CLPB: variants seen among roughly 807,000 people sequenced by gnomAD.
The protein encoded by CLPB is mitochondrial disaggregase.
CLPB carries 40 observed loss-of-function variants against 78.4 expected under a neutral mutation model. The ratio of observed to expected loss-of-function variants is 0.51; its 90% CI spans 0.40 to 0.66. The LOEUF (loss-of-function observed/expected upper bound fraction) is 0.66, where lower values mean the gene tolerates loss of function less well. Ranked by LOEUF, CLPB falls within the 30% of genes least tolerant of loss-of-function variation. CLPB has a pLI of 0.00. For missense variants in CLPB, 780 were observed against 886.9 expected (o/e 0.88, Z 1.53); for synonymous variants, 333 against 348.0 (o/e 0.96, Z 0.48).
chr11:72,384,785 T>C (rs1435666696), intron 3 of CLPB, among the ~76,000 whole-genome samples: 1 of 152,052 alleles, frequency 6.6e-6, no homozygotes, highest in African/African-American at 2.4e-5. Flanking sequence ...GTCCAAACTG[T>C]AAAAAGAGAC....
chr11:72,308,472 G>T, intron 8 of CLPB, 55 bp downstream of exon 8: 1 of 1,521,340 alleles, frequency 6.6e-7, no homozygotes, highest in Non-Finnish European at 9.1e-7. Context: ...TGTCAGACTT[G>T]GGCCGGGCAC....
At chr11:72,425,751 C>A (rs756355737) in intron 2 of CLPB, among the ~76,000 whole-genome samples, 1 of 152,208 alleles carries the variant, frequency 6.6e-6, no homozygotes, top group South Asian at 2.1e-4. Flanking sequence ...GCATACCCCC[C>A]AGGCTGCTCC....
At chr11:72,370,646 T>C (rs1341238047) in intron 4 of CLPB, among the ~76,000 whole-genome samples, 4 of 152,214 alleles carry the variant, frequency 2.6e-5, no homozygotes, top group Admixed American at 1.3e-4. Context: ...CAGGCTGATA[T>C]GGTTGCTGGG....
At chr11:72,295,861 C>G (rs1446548939) in intron 11 of CLPB, among the ~76,000 whole-genome samples, 1 of 152,252 alleles carries the variant, frequency 6.6e-6, no homozygotes, top group Non-Finnish European at 1.5e-5. Flanking sequence ...ACTGCTCTCC[C>G]TACTGAGTGC....
chr11:72,381,337 C>G (rs1188395429), intron 3 of CLPB, among the ~76,000 whole-genome samples: 1 of 152,174 alleles, frequency 6.6e-6, no homozygotes, highest in Admixed American at 6.5e-5. Context: ...GGCTGATACC[C>G]TCAGACTAAG....
intron 5 of CLPB, chr11:72,354,421 T>G (rs569410235): frequency 2.5e-6 from 1 of 397,972 alleles, no homozygotes; most frequent in Non-Finnish European, 4.4e-6. Context: ...TGATTAGAGA[T>G]ATGTTTTAGG....
chr11:72,303,815 T>A (rs1186494543), intron 9 of CLPB: 2 of 152,226 alleles, frequency 1.3e-5, no homozygotes, highest in African/African-American at 4.8e-5. Context: ...CATGTACAAG[T>A]CTCTGAGGTA....
At chr11:72,308,651 A>T (rs1474042917) in intron 7 of CLPB, 47 bp from the exon 8 acceptor site, 1 of 1,502,916 alleles carries the variant, frequency 6.7e-7, no homozygotes, top group African/African-American at 1.4e-5. Flanking sequence ...GAGGCAGATA[A>T]ATCAATGACA....
chr11:72,378,773 A>G (rs1854802767), intron 4 of CLPB, among the ~76,000 whole-genome samples: 1 of 152,170 alleles, frequency 6.6e-6, no homozygotes, highest in African/African-American at 2.4e-5. Context: ...CATAAACACA[A>G]TTCCTCCGGC....
In CLPB at chr11:72,373,960, CAAAA is replaced by C. The variant is rs35682727; in HGVS notation, c.646+6317_646+6320del. Among the ~76,000 whole-genome samples the C allele has an allele frequency of 6.3e-4, 51 of 80,544 alleles. No individual in the cohort carries two copies. The East Asian group carries it at 0.01, about 16-fold the overall frequency. 52.8% of individuals were successfully genotyped at this position (80,544 alleles called of 152,430 possible). On this transcript the variant is annotated intron_variant, in intron 4 of 15. Coordinates refer to ENST00000538039, the MANE Select transcript of CLPB (RefSeq NM_001258392.3). ...GGGTAACAAGAGCGAAACTCTGTCT[CAAAA>C]AAAAAAAAAAAAAAAAAAGAACATT...
At chr11:72,307,157 G>C (rs1241330320) in intron 9 of CLPB, 42 bp downstream of exon 9, 2 of 1,569,548 alleles carry the variant, frequency 1.3e-6, no homozygotes, top group East Asian at 4.5e-5. Flanking sequence ...GAATGGTGAG[G>C]TCTCCACGAT....
chr11:72,392,066 G>T (rs1393504298), intron 3 of CLPB, among the ~76,000 whole-genome samples: 1 of 152,020 alleles, frequency 6.6e-6, no homozygotes, highest in Non-Finnish European at 1.5e-5. Flanking sequence ...CTTGTGTTGG[G>T]CCAGGCGCGT....
chr11:72,300,586 C>G (rs1949638021), intron 11 of CLPB, among the ~76,000 whole-genome samples: 1 of 152,122 alleles, frequency 6.6e-6, no homozygotes, highest in Non-Finnish European at 1.5e-5. Context: ...GGAGGCTGGG[C>G]CAGGTGGGGA....
intron 2 of CLPB, among the ~76,000 whole-genome samples, chr11:72,417,119 C>T (rs1461005115): frequency 1.3e-5 from 2 of 152,112 alleles, no homozygotes; most frequent in African/African-American, 2.4e-5. Flanking sequence ...AATCTGTACA[C>T]GAATGTTCAC....
intron 2 of CLPB, among the ~76,000 whole-genome samples, chr11:72,423,101 TAA>T (rs1482368462): frequency 6.6e-6 from 1 of 152,180 alleles, no homozygotes; most frequent in Non-Finnish European, 1.5e-5. Flanking sequence ...CTTTATTTTC[TAA>T]AGCCATAAAA....
Position 72,286,862 on chromosome 11 carries a change from A to G in CLPB, c.*6505T>C, listed in dbSNP as rs1292127408. On this transcript the variant is annotated 3_prime_UTR_variant, in exon 16 of 16. Transcript: ENST00000538039. ...ATCTGAAATACTGGCAAACCAAATT[A>G]GAGGTTTACCTTTAACCTCTAAATA... The G allele has an allele frequency of 6.6e-6, 1 of 152,050 alleles. No homozygotes were observed. The highest frequency in any genetic ancestry group is 2.4e-5 in the African/African-American group (1 of 41,428). 9.4% of individuals were successfully genotyped at this position (152,050 alleles called of 1,614,324 possible).
At chr11:72,408,085 G>A in intron 2 of CLPB, 1 of 1,501,036 alleles carries the variant, frequency 6.7e-7, no homozygotes, top group South Asian at 1.2e-5. Flanking sequence ...ATAAAGGAAA[G>A]GGCTCTACAA....
At chr11:72,350,810 T>C (rs1950600795) in intron 5 of CLPB, among the ~76,000 whole-genome samples, 1 of 152,206 alleles carries the variant, frequency 6.6e-6, no homozygotes, top group South Asian at 2.1e-4. Flanking sequence ...TGGAGGATTT[T>C]TTTCTTTTCT....
At chr11:72,368,355 T>A (rs949377535) in intron 4 of CLPB, among the ~76,000 whole-genome samples, 1 of 152,198 alleles carries the variant, frequency 6.6e-6, no homozygotes, top group African/African-American at 2.4e-5. Flanking sequence ...GCTGTTATAT[T>A]ATTATTCCTA....
Sources: gnomAD v4.1 joint callset for allele counts (sites outside exome capture counted in the v4.1 genomes callset) on GRCh38, gnomAD v4.1.1 for gene constraint, MANE v1.5 for transcripts, NCBI Gene and HGNC (gene_info 2026-07-23, HGNC 2026-07-21) for gene names.